The following ZNF732 variants were observed in gnomAD, a reference collection of about 807,000 sequenced individuals.
ZNF732 encodes the protein zinc finger protein LOC654254.
In ZNF732, 12 loss-of-function variants were observed where a neutral mutation model predicts 11.5. The observed-to-expected ratio is 1.05, with a 90% CI of 0.67 to 1.70. The LOEUF (loss-of-function observed/expected upper bound fraction) is 1.70. Ranked by LOEUF, ZNF732 falls within the 40% of genes most tolerant of loss-of-function variation. The probability of loss-of-function intolerance (pLI) is 0.00; values close to 1 mark genes in which losing one functional copy is unlikely to be tolerated. For missense variants in ZNF732, 702 were observed against 676.9 expected (o/e 1.04, Z -0.41); for synonymous variants, 231 against 236.5 (o/e 0.98, Z 0.21).
intron 3 of ZNF732, among the ~76,000 whole-genome samples, chr4:293,090 AAC>A (rs1170818641): frequency 7.8e-5 from 11 of 141,032 alleles, no homozygotes; most frequent in South Asian, 2.3e-4. Context: ...AAAAAAAAAA[AAC>A]CAGTAAGAAA....
chr4:271,948 CT>C lies in ZNF732; in HGVS notation c.908del (p.Glu303GlyfsTer47). On this transcript the variant is annotated frameshift_variant, in exon 4 of 4. Coordinates refer to ENST00000419098, the MANE Select transcript of ZNF732 (RefSeq NM_001137608.3). LOFTEE classifies it low-confidence loss of function (END_TRUNC). The part of the protein sequence containing the change: ...VAKHKKIHTG[E>X]KLYKCQECGK... ...CACATTCCTGACATTTGTAGAGTTT[CT>C]CTCCGGTATGAATTTTCTTATGTTT... is the stretch of plus-strand genomic sequence containing the variant. 1 of 1,607,914 alleles carries C rather than the reference CT, an allele frequency of 6.2e-7. No homozygotes were observed. Among genetic ancestry groups the C allele is most frequent in the Non-Finnish European group, 8.5e-7 (1 of 1,176,814 alleles).
At chr4:289,391 T>C (rs1178726258) in intron 3 of ZNF732, among the ~76,000 whole-genome samples, 1 of 152,258 alleles carries the variant, frequency 6.6e-6, no homozygotes, top group Non-Finnish European at 1.5e-5. Flanking sequence ...GTTGCAATGA[T>C]AGCTTTTTGG....
chr4:298,932 C>G (rs1720020774), intron 1 of ZNF732, among the ~76,000 whole-genome samples: 1 of 152,148 alleles, frequency 6.6e-6, no homozygotes, highest in African/African-American at 2.4e-5. Context: ...CCACCAGAAG[C>G]CTCCCACACA....
At position 271,019 on chromosome 4, in the gene ZNF732, A is replaced by T; in HGVS notation, c.*80T>A. On this transcript the variant is annotated 3_prime_UTR_variant, in exon 4 of 4. Transcript: ENST00000419098. Reference sequence around the variant, plus strand: ...TTTGCCACATTCTTCACATTTGTATAGTTTATTTCCAGTATAAATTTTCTT... The same window carrying T: ...TTTGCCACATTCTTCACATTTGTATTGTTTATTTCCAGTATAAATTTTCTT... 4 of 1,114,230 alleles carry T rather than the reference A, an allele frequency of 3.6e-6. No individual in the cohort carries two copies. The highest frequency in any genetic ancestry group is 3.9e-6 in the Non-Finnish European group (3 of 778,574). The allele number at this position is 1,114,230 out of a possible 1,614,324, so 69.0% of individuals were successfully genotyped here.
rs1371854915 is a variant in ZNF732 at position 305,347 on chromosome 4, G to A, written c.-37C>T. On this transcript the variant is annotated 5_prime_UTR_variant, in exon 1 of 4. Coordinates refer to ENST00000419098, the MANE Select transcript of ZNF732 (RefSeq NM_001137608.3). Reference sequence around the variant, plus strand: ...AGGGGTGTAGCGGAGTCTCAGCTACGAATCATCCAATACCCGCAGGTCACA... The same window carrying A: ...AGGGGTGTAGCGGAGTCTCAGCTACAAATCATCCAATACCCGCAGGTCACA... The A allele has an allele frequency of 1.9e-6, 3 of 1,606,990 alleles. No homozygotes were observed. The highest frequency in any genetic ancestry group is 2.5e-6 in the Non-Finnish European group (3 of 1,179,672).
chr4:296,637 C>T (rs1027840150), intron 1 of ZNF732, among the ~76,000 whole-genome samples: 7 of 151,362 alleles, frequency 4.6e-5, no homozygotes, highest in Non-Finnish European at 1.0e-4. Context: ...CTAAGCGCTG[C>T]CTCTCAAGCT....
intron 1 of ZNF732, among the ~76,000 whole-genome samples, 172 bp downstream of exon 1, chr4:305,136 C>A (rs1043429567): frequency 2.6e-5 from 4 of 152,186 alleles, no homozygotes; most frequent in East Asian, 1.9e-4. Flanking sequence ...TGGGCCAAAG[C>A]CGCCTTGCGG....
At chr4:276,164 A>G (rs1159810929) in intron 3 of ZNF732, among the ~76,000 whole-genome samples, 2 of 151,808 alleles carry the variant, frequency 1.3e-5, no homozygotes, top group Non-Finnish European at 3.0e-5. Context: ...GAGAATTTCA[A>G]TGACTACTCA....
At chr4:304,086 G>A (rs1428827256) in intron 1 of ZNF732, among the ~76,000 whole-genome samples, 1 of 152,154 alleles carries the variant, frequency 6.6e-6, no homozygotes, top group Non-Finnish European at 1.5e-5. Context: ...AATGAGCCAG[G>A]AGTCTTCCTG....
intron 1 of ZNF732, among the ~76,000 whole-genome samples, chr4:302,936 A>AAG (rs1263866904): frequency 1.3e-5 from 2 of 152,060 alleles, no homozygotes; most frequent in Admixed American, 1.3e-4. Context: ...TCCCTTAGCT[A>AAG]AGAGCCAGAC....
intron 1 of ZNF732, among the ~76,000 whole-genome samples, chr4:304,945 AT>A (rs1720199103): frequency 6.6e-6 from 1 of 152,168 alleles, no homozygotes; most frequent in Admixed American, 6.5e-5. Context: ...CTATGTTTTG[AT>A]AGGGCCTCGA....
chr4:272,060 GT>G lies in ZNF732; in HGVS notation c.796del (p.Thr266LeufsTer84). 6.2e-7 allele frequency: 1 copy of G among 1,609,502 alleles called. No homozygotes were observed. The highest frequency in any genetic ancestry group is 8.5e-7 in the Non-Finnish European group (1 of 1,177,992). On this transcript the variant is annotated frameshift_variant, in exon 4 of 4. Coordinates refer to ENST00000419098, the MANE Select transcript of ZNF732 (RefSeq NM_001137608.3). LOFTEE classifies it low-confidence loss of function (END_TRUNC). ...TTCAGCATGAATTCTCTTATGCTTA[GT>G]AAGGGTTGAGGACCTATTAAAGGCT... ...GKAFNRSSTL[T>X]KHKRIHAEEK... is the part of the protein sequence containing the mutation.
intron 1 of ZNF732, among the ~76,000 whole-genome samples, chr4:299,129 C>G (rs141760235): frequency 0.013 from 1,964 of 151,930 alleles, 22 homozygotes; most frequent in Middle Eastern, 0.061. Flanking sequence ...ATCAATGTGC[C>G]TCAGCATTCT....
At chr4:286,055 G>A (rs142178371) in intron 3 of ZNF732, among the ~76,000 whole-genome samples, 30 of 152,322 alleles carry the variant, frequency 2.0e-4, no homozygotes, top group East Asian at 1.2e-3. Context: ...GGAACTGTGC[G>A]AAGATGAGTT....
chr4:270,681 G>GT lies in ZNF732; in HGVS notation c.*417dup, dbSNP rs1382517020. 4 of 385,172 alleles carry GT rather than the reference G, an allele frequency of 1.0e-5. No homozygotes were observed. The highest frequency in any genetic ancestry group is 8.4e-5 in the African/African-American group (4 of 47,670). The allele number at this position is 385,172 out of a possible 1,614,324, so 23.9% of individuals were successfully genotyped here. ...TGACTTTGCCAGATTCCTTACATTTGTAGGTGTTCTCTCCATTATGAATTT... is the reference window on the plus strand; with the variant it reads ...TGACTTTGCCAGATTCCTTACATTTGTTAGGTGTTCTCTCCATTATGAATTT... On this transcript the variant is annotated 3_prime_UTR_variant, in exon 4 of 4. Transcript: ENST00000419098.
chr4:304,884 G>A (rs1197712745), intron 1 of ZNF732, among the ~76,000 whole-genome samples: 3 of 152,234 alleles, frequency 2.0e-5, no homozygotes, highest in Non-Finnish European at 4.4e-5. Context: ...CAAACCACAA[G>A]CCATGCCCGG....
At chr4:281,077 A>G (rs1553839712) in intron 3 of ZNF732, among the ~76,000 whole-genome samples, 1 of 152,160 alleles carries the variant, frequency 6.6e-6, no homozygotes, top group African/African-American at 2.4e-5. Context: ...GTCCAGAAGA[A>G]GTTTTTCCTA....
intron 1 of ZNF732, among the ~76,000 whole-genome samples, chr4:304,571 C>G (rs977654522): frequency 2.6e-5 from 4 of 152,154 alleles, no homozygotes; most frequent in African/African-American, 4.8e-5. Flanking sequence ...CAGCTGCCCC[C>G]CCCCTGCAGA....
At chr4:304,176 G>A (rs1403996867) in intron 1 of ZNF732, among the ~76,000 whole-genome samples, 2 of 152,128 alleles carry the variant, frequency 1.3e-5, no homozygotes, top group African/African-American at 2.4e-5. Context: ...ACCCTGTCCT[G>A]GGAGGAGTGT....
Sources: gnomAD v4.1 joint callset for allele counts (sites outside exome capture counted in the v4.1 genomes callset) on GRCh38, gnomAD v4.1.1 for gene constraint, MANE v1.5 for transcripts, NCBI Gene and HGNC (gene_info 2026-07-23, HGNC 2026-07-21) for gene names.